Variants in UNC79 observed in about 807,000 individuals in gnomAD.
UNC79 encodes the protein protein unc-79 homolog.
In UNC79, 37 loss-of-function variants were observed where a neutral mutation model predicts 283.1. That is an observed-to-expected ratio of 0.13 (90% confidence interval 0.10 to 0.17). The LOEUF (loss-of-function observed/expected upper bound fraction) is 0.17. Among genes scored for constraint, UNC79 ranks in the 10% least tolerant of loss-of-function variants. The pLI, the probability that UNC79 is intolerant of heterozygous loss-of-function variation, is 1.00. For synonymous variants in UNC79, 1,107 were observed against 1,200.2 expected, an observed-to-expected ratio of 0.92 and a Z score of 1.61; for missense variants, 2,272 against 3,211.1, an observed-to-expected ratio of 0.71 and a Z score of 7.07.
intron 1 of UNC79, among the ~76,000 whole-genome samples, chr14:93,411,291 C>A (rs1336899359): frequency 6.6e-6 from 1 of 152,136 alleles, no homozygotes; most frequent in Non-Finnish European, 1.5e-5. Context: ...AATAGAACAC[C>A]AGCTAGATTT....
At chr14:93,556,261 C>A (rs943960630) in intron 14 of UNC79, among the ~76,000 whole-genome samples, 1 of 151,686 alleles carries the variant, frequency 6.6e-6, no homozygotes, top group South Asian at 2.1e-4. Flanking sequence ...AAGAGCATGG[C>A]TTTTTATGTA....
rs539436282 is a variant in UNC79 at position 93,392,656 on chromosome 14, T to A, written c.-351+59133T>A. Among the ~76,000 whole-genome samples the A allele has an allele frequency of 4.6e-5, 7 of 152,334 alleles. No individual in the cohort carries two copies. The South Asian group carries it at 1.5e-3, about 32-fold the overall frequency. On this transcript the variant is annotated intron_variant, in intron 1 of 49. Coordinates refer to the UNC79 transcript ENST00000256339. ...CCAACAGGAGTTCTCAGATACATTT[T>A]CTACTTCATTTTCATCACATATCCC...
intron 7 of UNC79, among the ~76,000 whole-genome samples, chr14:93,521,844 A>T (rs1295819864): frequency 6.7e-6 from 1 of 149,314 alleles, no homozygotes; most frequent in African/African-American, 2.5e-5. Flanking sequence ...TCCTTATATC[A>T]AAATCAATTG....
upstream of UNC79, among the ~76,000 whole-genome samples, chr14:93,428,239 T>C (rs1359132811): frequency 1.3e-5 from 2 of 152,072 alleles, no homozygotes; most frequent in Non-Finnish European, 2.9e-5. Flanking sequence ...GATGAAAAAT[T>C]TATGCATGTT....
intron 4 of UNC79, 85 bp downstream of exon 4, chr14:93,477,813 T>C (rs1430007317): frequency 7.6e-7 from 1 of 1,318,786 alleles, no homozygotes; most frequent in Non-Finnish European, 1.0e-6. Flanking sequence ...CTCTAGTTTT[T>C]CGAGATTATA....
rs147412669 is a variant in UNC79 at position 93,671,500 on chromosome 14, C to G, written c.6637-1851C>G. 2.4e-3 allele frequency among the ~76,000 whole-genome samples: 366 copies of G among 152,184 alleles called. 5 individuals are homozygous for G. The highest frequency in any genetic ancestry group is 8.2e-3 in the African/African-American group (342 of 41,518). On this transcript the variant is annotated intron_variant, in intron 40 of 48. Coordinates refer to ENST00000555664, the Ensembl canonical transcript of UNC79. ...AAAAAACAAAAAACAGGGCCAGGCG[C>G]GGTGGCTCACACCTGTAATCCCAGC...
upstream of UNC79, among the ~76,000 whole-genome samples, chr14:93,428,980 G>T (rs1316633427): frequency 6.6e-6 from 1 of 152,198 alleles, no homozygotes; most frequent in African/African-American, 2.4e-5. Context: ...ATGAAAGATT[G>T]TTAAGCAGAT....
intron 42 of UNC79, among the ~76,000 whole-genome samples, chr14:93,685,464 C>T (rs1039174598): frequency 2.6e-5 from 4 of 152,094 alleles, no homozygotes; most frequent in Admixed American, 2.0e-4. Flanking sequence ...TTGGAACGTA[C>T]GAAATGCTTG....
intron 1 of UNC79, among the ~76,000 whole-genome samples, chr14:93,423,864 G>T (rs1344910350): frequency 6.6e-6 from 1 of 152,040 alleles, no homozygotes; most frequent in African/African-American, 2.4e-5. Flanking sequence ...TGGACAAATG[G>T]GATCACATCA....
At chr14:93,418,993 G>C (rs1041323416) in intron 1 of UNC79, among the ~76,000 whole-genome samples, 1 of 151,750 alleles carries the variant, frequency 6.6e-6, no homozygotes, top group Admixed American at 6.6e-5. Context: ...GCAATGCATC[G>C]CCCTGTTTCG....
intron 39 of UNC79, among the ~76,000 whole-genome samples, chr14:93,661,422 T>A (rs1034902607): frequency 1.3e-5 from 2 of 152,232 alleles, no homozygotes; most frequent in African/African-American, 4.8e-5. Flanking sequence ...GAGTTTGACA[T>A]TGAACATGTA....
At chr14:93,545,068 A>G (rs572436480) in intron 14 of UNC79, among the ~76,000 whole-genome samples, 4 of 152,294 alleles carry the variant, frequency 2.6e-5, no homozygotes, top group South Asian at 4.2e-4. Flanking sequence ...TCAGGTGGGT[A>G]GGAGAAAAGT....
intron 1 of UNC79, among the ~76,000 whole-genome samples, chr14:93,415,169 G>A (rs1298748020): frequency 6.6e-6 from 1 of 152,160 alleles, no homozygotes; most frequent in East Asian, 1.9e-4. Flanking sequence ...GTCATAGTTA[G>A]CTCTTATTAT....
At chr14:93,549,126 A>G (rs1567093356) in intron 14 of UNC79, among the ~76,000 whole-genome samples, 2 of 152,242 alleles carry the variant, frequency 1.3e-5, no homozygotes, top group South Asian at 2.1e-4. Context: ...TTAATATTTT[A>G]TCCTACTTAG....
chr14:93,586,780 G>A (rs1243025293), exon 22 of UNC79: 9 of 1,613,958 alleles, frequency 5.6e-6, no homozygotes, highest in Non-Finnish European at 7.6e-6. Context: ...AGTTTGAAGA[G>A]CCAGACATTC....
chr14:93,480,368 G>A (rs925086958), intron 4 of UNC79, among the ~76,000 whole-genome samples: 15 of 152,088 alleles, frequency 9.9e-5, no homozygotes, highest in African/African-American at 2.4e-4. Flanking sequence ...TACTTCTGGC[G>A]TACTAATTCT....
chr14:93,641,148 C>T (rs761148974), exon 33 of UNC79: 1 of 1,612,664 alleles, frequency 6.2e-7, no homozygotes, highest in Non-Finnish European at 8.5e-7. Context: ...TACCCAGGTG[C>T]CACCAAATCC....
At chr14:93,369,466 A>G (rs2054399953) in intron 1 of UNC79, among the ~76,000 whole-genome samples, 1 of 152,234 alleles carries the variant, frequency 6.6e-6, no homozygotes, top group Non-Finnish European at 1.5e-5. Context: ...AGAAGTAAGG[A>G]AGCAGAGCAC....
chr14:93,705,325 G>T (rs1313807803), intron 48 of UNC79, among the ~76,000 whole-genome samples: 1 of 118,040 alleles, frequency 8.5e-6, no homozygotes, highest in Admixed American at 1.1e-4. Context: ...TGTATATATA[G>T]ACAGAGCAAG....
Sources: allele counts gnomAD v4.1 joint callset (sites outside exome capture counted in the v4.1 genomes callset), GRCh38; gene constraint gnomAD v4.1.1; transcripts MANE v1.5; gene names NCBI Gene and HGNC (gene_info 2026-07-23, HGNC 2026-07-21).